The following PHF3 variants were observed in gnomAD, a reference collection of about 807,000 sequenced individuals.
PHF3 encodes the protein PHD finger protein 3.
A neutral mutation model predicts 178.4 loss-of-function variants in PHF3; 41 were observed. That is an observed-to-expected ratio of 0.23 (90% CI 0.18 to 0.30). PHF3 has a LOEUF of 0.30. Among genes scored for constraint, PHF3 ranks in the 10% least tolerant of loss-of-function variants. The pLI is 1.00. For missense variants in PHF3, 2,346 were observed against 2,398.1 expected, an observed-to-expected ratio of 0.98 and a Z score of 0.45; for synonymous variants, 842 against 800.5, an observed-to-expected ratio of 1.05 and a Z score of -0.88.
intron 3 of PHF3, among the ~76,000 whole-genome samples, 163 bp downstream of exon 3, chr6:63,680,324 T>G (rs1766377001): frequency 6.6e-6 from 1 of 151,862 alleles, no homozygotes; most frequent in African/African-American, 2.4e-5. Flanking sequence ...TGTATAAGTT[T>G]TCAGTACCCA....
In PHF3 at chr6:63,711,595, T is replaced by C. The variant is rs371404085; in HGVS notation, c.4007T>C (p.Leu1336Pro). Residue 1336 changes from leucine to proline, a missense_variant, in exon 16 of 16, where the codon CTG becomes CCG. Leu to Pro is a moderately conservative substitution (Grantham distance 98). Around this residue, in one of 8 missense-constraint regions of PHF3, gnomAD observed 90 missense variants for 136.6 expected, o/e 0.66. Coordinates refer to ENST00000262043, the MANE Select transcript of PHF3 (RefSeq NM_001370348.2). ...TTTTGGTTTTATACAGGGCTTGAAC[T>C]GCATAGACCTAATCTATTGTTGGGC... ...LVPFDGPGLELHRPNLLLGLI... is the reference protein window; with the variant it reads ...LVPFDGPGLEPHRPNLLLGLI... 2 of 1,571,568 alleles carry C rather than the reference T, an allele frequency of 1.3e-6. No individual in the cohort carries two copies. The highest frequency in any genetic ancestry group is 1.7e-6 in the Non-Finnish European group (2 of 1,166,084).
At position 63,724,120 on chromosome 6, in the gene PHF3, A is replaced by G. The variant is rs1306963560; in HGVS notation, c.*10412A>G. 6.6e-6 allele frequency among the ~76,000 whole-genome samples: 1 copy of G among 152,144 alleles called. No homozygotes were observed. On this transcript the variant is annotated 3_prime_UTR_variant, in exon 16 of 16. Coordinates refer to ENST00000262043, the MANE Select transcript of PHF3 (RefSeq NM_001370348.2). Reference sequence around the variant, plus strand: ...CTGCACCTGGCCTTGGATTCGCATTAGAGTAAGAAAATGTAATGAACAGTC... The same window carrying G: ...CTGCACCTGGCCTTGGATTCGCATTGGAGTAAGAAAATGTAATGAACAGTC...
chr6:63,697,960 T>A (rs1767303845), intron 6 of PHF3, among the ~76,000 whole-genome samples: 1 of 152,300 alleles, frequency 6.6e-6, no homozygotes, highest in South Asian at 2.1e-4. Context: ...GAAAACTTTT[T>A]AAAAGTTAAT....
chr6:63,669,348 G>A (rs1347830212), intron 2 of PHF3, among the ~76,000 whole-genome samples: 3 of 152,188 alleles, frequency 2.0e-5, no homozygotes, highest in African/African-American at 7.2e-5. Flanking sequence ...CTTAGGTACT[G>A]TTTTTGTAGG....
In PHF3 at chr6:63,712,851, C is replaced by G. The variant is rs755417219; in HGVS notation, c.5263C>G (p.Arg1755Gly). Residue 1755 changes from arginine (R) to glycine (G), a missense_variant, in exon 16 of 16, where the codon CGA (arginine) becomes GGA (glycine). This residue lies in a region of PHF3 where 839 missense variants were observed against 806.9 expected (regional missense o/e 1.04). Transcript: ENST00000262043. ...MQNIETVHPF[R>G]RGSAVATSHF... ...AAATATTGAAACTGTGCACCCATTT[C>G]GAAGAGGATCAGCAGTAGCGACATC... 6 of 1,613,876 alleles carry G rather than the reference C, an allele frequency of 3.7e-6. No homozygotes were observed. Among genetic ancestry groups the G allele is most frequent in the Non-Finnish European group, 5.1e-6 (6 of 1,179,966 alleles).
chr6:63,663,181 A>G (rs372630858), intron 2 of PHF3, among the ~76,000 whole-genome samples: 1 of 152,286 alleles, frequency 6.6e-6, no homozygotes, highest in African/African-American at 2.4e-5. Context: ...GGTCTTTGCT[A>G]TCTTTTGAGG....
intron 10 of PHF3, among the ~76,000 whole-genome samples, chr6:63,703,033 A>T (rs1369393168): frequency 6.6e-6 from 1 of 152,142 alleles, no homozygotes; most frequent in African/African-American, 2.4e-5. Context: ...ATGCGCCAAT[A>T]CACCCAGCTA....
chr6:63,707,051 A>C (rs551763960), intron 13 of PHF3, among the ~76,000 whole-genome samples, 175 bp downstream of exon 13: 1 of 152,352 alleles, frequency 6.6e-6, no homozygotes, highest in Non-Finnish European at 1.5e-5. Context: ...TTGTAAAATA[A>C]ACTATTCTCT....
chr6:63,648,967 G>A (rs1231111094), intron 2 of PHF3, among the ~76,000 whole-genome samples: 1 of 151,852 alleles, frequency 6.6e-6, no homozygotes, highest in Non-Finnish European at 1.5e-5. Flanking sequence ...TTCCTTTTGG[G>A]ATATTTGGGT....
intron 2 of PHF3, among the ~76,000 whole-genome samples, chr6:63,669,806 A>G (rs994629950): frequency 6.6e-6 from 1 of 152,192 alleles, no homozygotes; most frequent in Non-Finnish European, 1.5e-5. Context: ...CTAAACCTAC[A>G]TTATAGAATG....
intron 2 of PHF3, among the ~76,000 whole-genome samples, chr6:63,652,311 CG>C (rs1424058783): frequency 6.6e-6 from 1 of 152,066 alleles, no homozygotes; most frequent in East Asian, 1.9e-4. Flanking sequence ...GCATTTTCTT[CG>C]TATGCCTGTT....
chr6:63,642,046 C>T lies in PHF3; in HGVS notation c.-25-4481C>T, dbSNP rs1008326937. ...TTTTGTTAGTATAAACTAAACCTGACTTCAGTATAATTCTCTGAGAATTAC... is the reference window on the plus strand; with the variant it reads ...TTTTGTTAGTATAAACTAAACCTGATTTCAGTATAATTCTCTGAGAATTAC... On this transcript the variant is annotated intron_variant, in intron 1 of 15. Transcript: ENST00000262043. 2.0e-5 allele frequency among the ~76,000 whole-genome samples: 3 copies of T among 152,274 alleles called. No individual in the cohort carries two copies. In the East Asian group the frequency reaches 5.8e-4, roughly 29 times the overall value.
chr6:63,664,233 C>G (rs903190617), intron 2 of PHF3, among the ~76,000 whole-genome samples: 1 of 152,202 alleles, frequency 6.6e-6, no homozygotes, highest in African/African-American at 2.4e-5. Context: ...AGAGCACATC[C>G]TGCCTCACTT....
chr6:63,707,242 A>G (rs1767733372), intron 13 of PHF3, among the ~76,000 whole-genome samples: 1 of 152,206 alleles, frequency 6.6e-6, no homozygotes, highest in South Asian at 2.1e-4. Context: ...TTTTTGTTAA[A>G]CAGATCTTCT....
Position 63,641,992 on chromosome 6 carries a change from C to T in PHF3, c.-25-4535C>T, listed in dbSNP as rs543734701. Among the ~76,000 whole-genome samples the T allele has an allele frequency of 5.9e-5, 9 of 152,162 alleles. No individual in the cohort carries two copies. The South Asian group carries it at 1.9e-3, about 32-fold the overall frequency. ...CTCATCTTTTTGCGTTCTATTAATA[C>T]TTGAAACACTTGAAAAGCAATTAGG... is the stretch of plus-strand genomic sequence containing the variant. On this transcript the variant is annotated intron_variant, in intron 1 of 15. Transcript: ENST00000262043.
chr6:63,683,858 C>CA (rs1341836696), intron 3 of PHF3, among the ~76,000 whole-genome samples: 1 of 152,010 alleles, frequency 6.6e-6, no homozygotes, highest in Non-Finnish European at 1.5e-5. Context: ...GAAAACATTT[C>CA]TTTTAATAAG....
intron 2 of PHF3, among the ~76,000 whole-genome samples, chr6:63,672,128 AC>A (rs1475234427): frequency 6.6e-6 from 1 of 152,238 alleles, no homozygotes; most frequent in African/African-American, 2.4e-5. Context: ...GGCGTGAGCC[AC>A]CGTGCCTGGC....
chr6:63,692,171 GA>G, intron 5 of PHF3, 128 bp downstream of exon 5: 1 of 724,056 alleles, frequency 1.4e-6, no homozygotes, highest in Non-Finnish European at 2.2e-6. Context: ...AGTTTTCCAT[GA>G]AAGTGAATAG....
chr6:63,665,486 G>GTTTTTTTTTTTTT (rs11427203), intron 2 of PHF3, among the ~76,000 whole-genome samples: 227 of 111,156 alleles, frequency 2.0e-3, no homozygotes, highest in Non-Finnish European at 2.7e-3. Context: ...GTTTTTTTTT[G>GTTTTTTTTTTTTT]TTTTTTTTTT....
Sources: allele counts gnomAD v4.1 joint callset (sites outside exome capture counted in the v4.1 genomes callset), GRCh38; gene constraint gnomAD v4.1.1; regional missense constraint gnomAD v4.1.1; transcripts MANE v1.5; gene names NCBI Gene and HGNC (gene_info 2026-07-23, HGNC 2026-07-21).